The following PLCH1 variants were observed in gnomAD, a reference collection of about 807,000 sequenced individuals.
PLCH1 encodes the protein 1-phosphatidylinositol 4,5-bisphosphate phosphodiesterase eta-1.
PLCH1 carries 60 observed loss-of-function variants against 126.7 expected under a neutral mutation model. The ratio of observed to expected loss-of-function variants is 0.47; its 90% CI spans 0.38 to 0.59. PLCH1 has a LOEUF of 0.59. PLCH1 is among the 20% of genes least tolerant of loss of function. PLCH1 has a pLI of 0.00. For synonymous variants in PLCH1, 719 were observed against 734.9 expected (o/e 0.98, Z 0.35); for missense variants, 1,723 against 2,040.0 (o/e 0.84, Z 2.99).
chr3:155,544,174 A>G (rs1287057359), intron 10 of PLCH1, among the ~76,000 whole-genome samples: 1 of 152,220 alleles, frequency 6.6e-6, no homozygotes, highest in African/African-American at 2.4e-5. Context: ...TAGGCTCAAA[A>G]TAAAAGGTTG....
At chr3:155,703,040 A>T (rs1746388809) in intron 2 of PLCH1, among the ~76,000 whole-genome samples, 2 of 152,186 alleles carry the variant, frequency 1.3e-5, no homozygotes, top group Non-Finnish European at 2.9e-5. Flanking sequence ...CTAATTAGTT[A>T]CATCAACTTG....
At chr3:155,547,286 A>G (rs899839070) in intron 10 of PLCH1, among the ~76,000 whole-genome samples, 14 of 151,810 alleles carry the variant, frequency 9.2e-5, no homozygotes, top group Non-Finnish European at 8.8e-5. Flanking sequence ...AACACATGAA[A>G]AAATGCTCAC....
intron 2 of PLCH1, among the ~76,000 whole-genome samples, chr3:155,624,285 G>A (rs900568190): frequency 3.9e-5 from 6 of 152,178 alleles, no homozygotes; most frequent in Non-Finnish European, 8.8e-5. Flanking sequence ...CAAACCCACA[G>A]CTAATATCAT....
intron 21 of PLCH1, among the ~76,000 whole-genome samples, chr3:155,464,937 C>T (rs1023530700): frequency 6.6e-6 from 1 of 151,970 alleles, no homozygotes; most frequent in Admixed American, 6.6e-5. Flanking sequence ...AGTGAAACCC[C>T]GTCTCTACTA....
intron 2 of PLCH1, chr3:155,676,404 C>G: frequency 1.3e-5 from 13 of 1,007,006 alleles, no homozygotes; most frequent in Non-Finnish European, 1.5e-5. Flanking sequence ...CGTTAAAGCC[C>G]TCAAGGCATT....
intron 2 of PLCH1, among the ~76,000 whole-genome samples, chr3:155,654,196 T>C (rs541966361): frequency 3.3e-5 from 5 of 151,924 alleles, no homozygotes; most frequent in African/African-American, 1.2e-4. Flanking sequence ...GGACATCATA[T>C]TCCCTGGTGT....
intron 2 of PLCH1, among the ~76,000 whole-genome samples, chr3:155,625,339 A>G (rs914579653): frequency 2.6e-5 from 4 of 152,212 alleles, no homozygotes; most frequent in Non-Finnish European, 4.4e-5. Flanking sequence ...ATGGGCAAAG[A>G]CTTCATGACT....
At chr3:155,527,157 G>A (rs1355550757) in intron 10 of PLCH1, among the ~76,000 whole-genome samples, 1 of 152,184 alleles carries the variant, frequency 6.6e-6, no homozygotes, top group African/African-American at 2.4e-5. Context: ...TTCTAAGAAA[G>A]GCTGCAAAAG....
intron 11 of PLCH1, among the ~76,000 whole-genome samples, chr3:155,522,103 G>A (rs1378663480): frequency 6.6e-6 from 1 of 152,024 alleles, no homozygotes; most frequent in African/African-American, 2.4e-5. Context: ...ACTGGCATCA[G>A]AAGAAAAATG....
At chr3:155,537,883 C>G (rs951221748) in intron 10 of PLCH1, among the ~76,000 whole-genome samples, 1 of 151,962 alleles carries the variant, frequency 6.6e-6, no homozygotes, top group Non-Finnish European at 1.5e-5. Flanking sequence ...TAAACTATAC[C>G]CTAGAACAAA....
Position 155,497,432 on chromosome 3 carries a change from C to CT in PLCH1, c.1797-16_1797-15insA. On this transcript the variant is annotated splice_polypyrimidine_tract_variant and intron_variant, in intron 14 of 22. Coordinates refer to ENST00000460012, the MANE Select transcript of PLCH1 (RefSeq NM_014996.4). ...GGCGACCCAATCTGTGAAGTACCCA[C>CT]AGAGGATGCATGACATTTTGGAGTT... 3 of 1,560,712 alleles carry CT rather than the reference C, an allele frequency of 1.9e-6. No homozygotes were observed. The highest frequency in any genetic ancestry group is 2.7e-6 in the Non-Finnish European group (3 of 1,131,596).
rs1441581975 is a variant in PLCH1 at position 155,627,653 on chromosome 3, G to GA, written c.80-31276dup. Among the ~76,000 whole-genome samples, 451 of 150,204 alleles carry GA rather than the reference G, an allele frequency of 3.0e-3. 3 individuals carry two copies. The highest frequency in any genetic ancestry group is 0.01 in the African/African-American group (422 of 41,022). ...CACCTCAAAAAAAAAAAAACAAATT[G>GA]AAAAAAATCTAAATGTCCATGGGGC... On this transcript the variant is annotated intron_variant, in intron 2 of 22. Transcript: ENST00000460012.
intron 2 of PLCH1, among the ~76,000 whole-genome samples, chr3:155,626,768 C>CAA (rs71155058): frequency 1.9e-3 from 96 of 49,636 alleles, no homozygotes; most frequent in Non-Finnish European, 3.0e-3. Context: ...GACTCCGTCT[C>CAA]AAAAAAAAAA....
chr3:155,707,248 G>T (rs1205825004), intron 1 of PLCH1, among the ~76,000 whole-genome samples: 1 of 152,166 alleles, frequency 6.6e-6, no homozygotes, highest in Non-Finnish European at 1.5e-5. Flanking sequence ...CATTGTTATA[G>T]CAGCCCAAAA....
chr3:155,551,225 A>G (rs956000063), intron 9 of PLCH1, among the ~76,000 whole-genome samples: 2 of 152,070 alleles, frequency 1.3e-5, no homozygotes, highest in African/African-American at 4.8e-5. Flanking sequence ...CAGGCAGATC[A>G]CTTGAGGCCA....
chr3:155,538,153 C>T (rs995273955), intron 10 of PLCH1, among the ~76,000 whole-genome samples: 5 of 151,952 alleles, frequency 3.3e-5, no homozygotes, highest in African/African-American at 7.3e-5. Context: ...ATAATTGTTG[C>T]GTCAACAATG....
chr3:155,703,758 G>T (rs1189644614), intron 2 of PLCH1, among the ~76,000 whole-genome samples: 1 of 152,160 alleles, frequency 6.6e-6, no homozygotes, highest in Non-Finnish European at 1.5e-5. Flanking sequence ...AATTTGGAAG[G>T]CCATGCTATG....
At chr3:155,700,142 T>C (rs1268733106) in intron 2 of PLCH1, among the ~76,000 whole-genome samples, 1 of 152,208 alleles carries the variant, frequency 6.6e-6, no homozygotes. Flanking sequence ...CTACACAAGT[T>C]AGTTGTTAAA....
intron 2 of PLCH1, among the ~76,000 whole-genome samples, chr3:155,677,769 T>A (rs1744204429): frequency 6.6e-6 from 1 of 152,132 alleles, no homozygotes. Flanking sequence ...AGGAAAGGAG[T>A]GGACTTCATT....
Sources: allele counts gnomAD v4.1 joint callset (sites outside exome capture counted in the v4.1 genomes callset), GRCh38; gene constraint gnomAD v4.1.1; transcripts MANE v1.5; gene names NCBI Gene and HGNC (gene_info 2026-07-23, HGNC 2026-07-21).